The following OTUD7B variants were observed in gnomAD, a reference collection of about 807,000 sequenced individuals.
OTUD7B encodes OTU domain-containing protein 7B.
OTUD7B carries 34 observed loss-of-function variants against 82.2 expected under a neutral mutation model. That is an observed-to-expected ratio of 0.41 (90% confidence interval 0.31 to 0.55). OTUD7B has a LOEUF of 0.55. OTUD7B is among the 20% of genes least tolerant of loss of function. The probability of loss-of-function intolerance (pLI) is 0.20; values close to 1 mark genes in which losing one functional copy is unlikely to be tolerated. For missense variants in OTUD7B, 944 were observed against 1,062.1 expected, an observed-to-expected ratio of 0.89 and a Z score of 1.55; for synonymous variants, 398 against 402.7, an observed-to-expected ratio of 0.99 and a Z score of 0.14.
intron 1 of OTUD7B, among the ~76,000 whole-genome samples, chr1:150,006,015 A>G (rs1652639872): frequency 6.6e-6 from 1 of 152,268 alleles, no homozygotes; most frequent in African/African-American, 2.4e-5. Context: ...CATTTTACGG[A>G]TTTCTAAGGC....
chr1:149,989,194 C>T (rs587672205), intron 1 of OTUD7B, among the ~76,000 whole-genome samples: 6 of 152,134 alleles, frequency 3.9e-5, no homozygotes, highest in African/African-American at 1.2e-4. Flanking sequence ...CAAAACAGGC[C>T]GGGCGTGGTG....
chr1:150,002,884 C>A (rs1393228451), intron 1 of OTUD7B, among the ~76,000 whole-genome samples: 3 of 152,176 alleles, frequency 2.0e-5, no homozygotes, highest in Admixed American at 2.0e-4. Context: ...CTCCAATCCA[C>A]CCTACACACC....
At chr1:149,994,584 CA>C (rs796210721) in intron 1 of OTUD7B, among the ~76,000 whole-genome samples, 2,499 of 41,034 alleles carry the variant, frequency 0.061, 64 homozygotes, top group African/African-American at 0.18. Flanking sequence ...GACTCCATCT[CA>C]AAAAAAAAAA....
chr1:149,968,410 C>G (rs781871188), intron 3 of OTUD7B, among the ~76,000 whole-genome samples: 19 of 152,076 alleles, frequency 1.2e-4, no homozygotes, highest in Admixed American at 5.9e-4. Flanking sequence ...CAATTCTTAA[C>G]AGTCTATAGA....
At chr1:150,013,937 A>AAAAAT (rs1343558056), upstream of OTUD7B, among the ~76,000 whole-genome samples, 418 of 81,822 alleles carry the variant, frequency 5.1e-3, 30 homozygotes, top group Middle Eastern at 0.011. Flanking sequence ...AAAAAAAAAT[A>AAAAAT]ATATATATAT....
intron 6 of OTUD7B, chr1:149,962,234 C>CA (rs782449917): frequency 4.6e-5 from 7 of 152,130 alleles, no homozygotes; most frequent in African/African-American, 9.7e-5. Flanking sequence ...AGGTGGTGTA[C>CA]AACTTCTAGC....
chr1:149,954,357 T>G (rs1450613135), intron 7 of OTUD7B, among the ~76,000 whole-genome samples: 1 of 152,228 alleles, frequency 6.6e-6, no homozygotes, highest in African/African-American at 2.4e-5. Context: ...GTTTATTGAT[T>G]TACGTATGTT....
Position 149,945,013 on chromosome 1 carries a change from C to T in OTUD7B, c.1376G>A (p.Arg459Gln), listed in dbSNP as rs587753080. 8.7e-6 allele frequency: 14 copies of T among 1,614,096 alleles called. No homozygotes were observed. The highest frequency in any genetic ancestry group is 6.6e-5 in the South Asian group (6 of 91,076). Residue 459 changes from arginine (R) to glutamine (Q), a missense_variant, in exon 12 of 12, where the codon CGG becomes CAG. By Grantham distance (43) the Arg-to-Gln change is conservative (BLOSUM62 1). Around this residue, in one of 3 missense-constraint regions of OTUD7B, gnomAD observed 530 missense variants for 625.6 expected, o/e 0.85. Coordinates refer to ENST00000581312, the MANE Select transcript of OTUD7B (RefSeq NM_020205.4). The stretch of plus-strand genomic sequence containing the variant: ...TGAGTCTCCAGACTCAGGAGTGGAC[C>T]GGGGCTCATCTCCAGCTGAGGCGGT... ...SPTASAGDEP[R>Q]STPESGDSDK...
chr1:150,000,867 T>C (rs1393207764), intron 1 of OTUD7B, among the ~76,000 whole-genome samples: 1 of 152,054 alleles, frequency 6.6e-6, no homozygotes, highest in African/African-American at 2.4e-5. Context: ...TAATCCCAGC[T>C]GCTCGGGAGG....
chr1:149,990,726 T>C (rs1553781871), intron 1 of OTUD7B, among the ~76,000 whole-genome samples: 1 of 152,184 alleles, frequency 6.6e-6, no homozygotes, highest in African/African-American at 2.4e-5. Flanking sequence ...CCAGGTGCGG[T>C]GGCGCATGCC....
chr1:149,953,968 A>G (rs587617192), intron 7 of OTUD7B, among the ~76,000 whole-genome samples: 2,328 of 152,216 alleles, frequency 0.015, 49 homozygotes, highest in African/African-American at 0.05. Flanking sequence ...GGGTTTTCTA[A>G]ATATACAATC....
intron 1 of OTUD7B, among the ~76,000 whole-genome samples, chr1:150,002,470 C>G (rs1276764601): frequency 6.6e-6 from 1 of 152,168 alleles, no homozygotes; most frequent in Non-Finnish European, 1.5e-5. Flanking sequence ...TCTCAGGGAA[C>G]ATCTTTCTCA....
At chr1:149,969,503 G>C (rs892256838) in intron 3 of OTUD7B, among the ~76,000 whole-genome samples, 2 of 152,082 alleles carry the variant, frequency 1.3e-5, no homozygotes, top group South Asian at 4.1e-4. Flanking sequence ...GGCCGGGCAC[G>C]ATGGCTCACG....
At chr1:150,061,375 T>G in the OTUD7B span, among the ~76,000 whole-genome samples, 1 of 152,252 alleles carries the variant, frequency 6.6e-6, no homozygotes, top group African/African-American at 2.4e-5. Context: ...CTCTGGTTTA[T>G]TTGTCTTAAC....
At chr1:150,061,029 A>G in the OTUD7B span, among the ~76,000 whole-genome samples, 1 of 53,614 alleles carries the variant, frequency 1.9e-5, no homozygotes, top group African/African-American at 7.7e-5. Context: ...CCGGCTGACT[A>G]AAACAAAAAA....
the OTUD7B span, among the ~76,000 whole-genome samples, chr1:150,051,973 C>T: frequency 6.6e-6 from 1 of 152,128 alleles, no homozygotes; most frequent in Non-Finnish European, 1.5e-5. Flanking sequence ...ATATTATGCT[C>T]TCTTCATGTT....
At chr1:149,968,156 C>T (rs1207582004) in intron 3 of OTUD7B, among the ~76,000 whole-genome samples, 4 of 149,382 alleles carry the variant, frequency 2.7e-5, no homozygotes, top group Non-Finnish European at 4.4e-5. Context: ...CCCAGCTACT[C>T]GGGAGGCTGA....
chr1:149,999,919 A>G (rs1652164363), intron 1 of OTUD7B, among the ~76,000 whole-genome samples: 2 of 152,334 alleles, frequency 1.3e-5, no homozygotes, highest in Non-Finnish European at 2.9e-5. Flanking sequence ...CTGACTTTTC[A>G]AAGAACTATT....
the OTUD7B span, among the ~76,000 whole-genome samples, chr1:150,055,484 T>C: frequency 3.9e-5 from 6 of 152,172 alleles, no homozygotes; most frequent in Non-Finnish European, 8.8e-5. Context: ...GAAAGCAGTA[T>C]GGTGATTCCT....
Sources: gnomAD v4.1 joint callset for allele counts (sites outside exome capture counted in the v4.1 genomes callset) on GRCh38, gnomAD v4.1.1 for gene constraint, gnomAD v4.1.1 regional missense constraint, MANE v1.5 for transcripts, NCBI Gene and HGNC (gene_info 2026-07-23, HGNC 2026-07-21) for gene names.